The following OSBPL9 variants were observed in gnomAD, a reference collection of about 807,000 sequenced individuals.
OSBPL9 encodes oxysterol-binding protein-related protein 9.
Under a neutral mutation model 106.6 loss-of-function variants are expected in OSBPL9, and 40 were observed. The ratio of observed to expected loss-of-function variants is 0.38; its 90% confidence interval spans 0.29 to 0.49. OSBPL9 has a LOEUF of 0.49. Ranked by LOEUF, OSBPL9 falls within the 20% of genes least tolerant of loss-of-function variation. The pLI, the probability that OSBPL9 is intolerant of heterozygous loss-of-function variation, is 0.97. For missense variants in OSBPL9, 609 were observed against 887.2 expected (o/e 0.69, Z 3.98); for synonymous variants, 269 against 295.4 (o/e 0.91, Z 0.92).
chr1:51,734,038 C>T (rs554590035), intron 4 of OSBPL9, among the ~76,000 whole-genome samples: 3 of 152,138 alleles, frequency 2.0e-5, no homozygotes, highest in South Asian at 4.2e-4. Context: ...CTCTATTGTC[C>T]TTAAAGACAT....
chr1:51,592,089 C>A (rs1193432503), intron 1 of OSBPL9, among the ~76,000 whole-genome samples: 2 of 146,388 alleles, frequency 1.4e-5, no homozygotes, highest in Non-Finnish European at 1.5e-5. Context: ...CTGACCTCAA[C>A]GATTACTTGT....
chr1:51,782,885 T>C (rs1365768417), intron 17 of OSBPL9, among the ~76,000 whole-genome samples: 1 of 152,240 alleles, frequency 6.6e-6, no homozygotes, highest in African/African-American at 2.4e-5. Context: ...CAACTTTTAA[T>C]GCTTCCAGAG....
intron 20 of OSBPL9, chr1:51,785,562 C>T (rs535766585): frequency 2.0e-6 from 1 of 499,770 alleles, no homozygotes; most frequent in Admixed American, 3.9e-5. Context: ...TGTTATGGTC[C>T]TTGCACCCAG....
At chr1:51,712,972 A>G (rs1660367010) in intron 3 of OSBPL9, among the ~76,000 whole-genome samples, 1 of 152,186 alleles carries the variant, frequency 6.6e-6, no homozygotes. Context: ...GGCCACCCAT[A>G]TGACCAAGCA....
At chr1:51,693,184 G>A (rs1183832747) in intron 3 of OSBPL9, among the ~76,000 whole-genome samples, 1 of 151,600 alleles carries the variant, frequency 6.6e-6, no homozygotes, top group African/African-American at 2.4e-5. Context: ...GACCAGCCTG[G>A]GTAACATACC....
At chr1:51,750,843 G>A (rs1236573569) in intron 8 of OSBPL9, among the ~76,000 whole-genome samples, 1 of 152,164 alleles carries the variant, frequency 6.6e-6, no homozygotes, top group Non-Finnish European at 1.5e-5. Flanking sequence ...TCCAGCAAGT[G>A]GCTAGCAAGG....
the OSBPL9 span, among the ~76,000 whole-genome samples, chr1:51,546,272 C>T: frequency 6.6e-6 from 1 of 152,138 alleles, no homozygotes; most frequent in African/African-American, 2.4e-5. Context: ...CTGCCTTGGA[C>T]TCCCAAAGTG....
At chr1:51,628,084 A>G (rs1644878174) in intron 1 of OSBPL9, among the ~76,000 whole-genome samples, 1 of 147,932 alleles carries the variant, frequency 6.8e-6, no homozygotes, top group Admixed American at 6.7e-5. Flanking sequence ...GGAAAGGACT[A>G]TTGCAGTATT....
chr1:51,668,201 CTT>C (rs1648970353), intron 2 of OSBPL9, among the ~76,000 whole-genome samples: 1 of 152,298 alleles, frequency 6.6e-6, no homozygotes, highest in East Asian at 1.9e-4. Context: ...GTTCTGTAGT[CTT>C]TCTCTCTGGA....
intron 4 of OSBPL9, 155 bp from the exon 5 acceptor site, chr1:51,745,381 A>C: frequency 9.1e-7 from 1 of 1,102,626 alleles, no homozygotes; most frequent in Middle Eastern, 3.1e-4. Context: ...CACTGTTTAA[A>C]TAGACCTAAC....
chr1:51,721,254 G>C (rs1001124740), intron 4 of OSBPL9, among the ~76,000 whole-genome samples: 1 of 151,974 alleles, frequency 6.6e-6, no homozygotes, highest in Non-Finnish European at 1.5e-5. Flanking sequence ...GGGCTGAAGG[G>C]AACAGGGTGG....
chr1:51,742,563 C>G (rs565095278), intron 4 of OSBPL9, among the ~76,000 whole-genome samples: 2 of 150,626 alleles, frequency 1.3e-5, no homozygotes, highest in African/African-American at 4.9e-5. Context: ...GACCCTGTCT[C>G]CACAAAAAAA....
chr1:51,702,915 T>G (rs1657620103), intron 3 of OSBPL9, among the ~76,000 whole-genome samples: 1 of 152,212 alleles, frequency 6.6e-6, no homozygotes, highest in Admixed American at 6.5e-5. Context: ...TTTCCCCATT[T>G]CTTGTTTTTG....
chr1:51,704,333 A>G (rs375734970), intron 3 of OSBPL9, among the ~76,000 whole-genome samples: 1 of 152,214 alleles, frequency 6.6e-6, no homozygotes, highest in Non-Finnish European at 1.5e-5. Context: ...TGGTCGGTCT[A>G]TTCAGAGATT....
chr1:51,665,405 A>G (rs1167507169), intron 2 of OSBPL9, among the ~76,000 whole-genome samples: 1 of 152,188 alleles, frequency 6.6e-6, no homozygotes, highest in African/African-American at 2.4e-5. Flanking sequence ...TGGCCTCCCA[A>G]AGTGGTGGGA....
rs963259999 is a variant in OSBPL9, at chr1:51,731,723, G to A, written c.319-13813G>A. 4.0e-5 allele frequency among the ~76,000 whole-genome samples: 6 copies of A among 150,498 alleles called. No homozygotes were observed. In the East Asian group the frequency reaches 1.2e-3, roughly 29 times the overall value. ...ACCCTGGAGGGGGAGCTTACAGTGA[G>A]CCGAGATCGTGCCACTGCACTCCAG... On this transcript the variant is annotated intron_variant, in intron 4 of 23. Transcript: ENST00000428468.
chr1:51,661,909 A>C (rs1647192437), intron 2 of OSBPL9, among the ~76,000 whole-genome samples: 1 of 151,742 alleles, frequency 6.6e-6, no homozygotes, highest in African/African-American at 2.4e-5. Context: ...TAGAATAGAG[A>C]GGTAGGCATG....
At chr1:51,661,338 C>G (rs973688795) in intron 2 of OSBPL9, among the ~76,000 whole-genome samples, 2 of 151,950 alleles carry the variant, frequency 1.3e-5, no homozygotes, top group Non-Finnish European at 2.9e-5. Context: ...CTTTTTTTAC[C>G]CCAAGCCGTG....
At position 51,781,193 on chromosome 1, in the gene OSBPL9, G is replaced by A; in HGVS notation, c.1286G>A (p.Arg429Gln). ...AGTGACCAGAAGGATCCCAAGGATC[G>A]AATGGTTCAGGTTGTGAAATGGTAC... ...SISDQKDPKD[R>Q]MVQVVKWYLS... Residue 429 changes from arginine to glutamine, a missense_variant, in exon 16 of 24, where the codon CGA (arginine) becomes CAA (glutamine). Around this residue, in one of 5 missense-constraint regions of OSBPL9, gnomAD observed 356 missense variants for 505.8 expected, o/e 0.70. Transcript: ENST00000428468. 5 of 1,613,958 alleles carry A rather than the reference G, an allele frequency of 3.1e-6. No individual in the cohort carries two copies. The highest frequency in any genetic ancestry group is 3.4e-6 in the Non-Finnish European group (4 of 1,179,976).
Sources: gnomAD v4.1 joint callset for allele counts (sites outside exome capture counted in the v4.1 genomes callset) on GRCh38, gnomAD v4.1.1 for gene constraint, gnomAD v4.1.1 regional missense constraint, MANE v1.5 for transcripts, NCBI Gene and HGNC (gene_info 2026-07-23, HGNC 2026-07-21) for gene names.